The following RORA variants were observed in gnomAD, a reference collection of about 807,000 sequenced individuals.
RORA encodes the protein RAR related orphan receptor A.
A neutral mutation model predicts 69.5 loss-of-function variants in RORA; 7 were observed. The ratio of observed to expected loss-of-function variants is 0.10; its 90% CI spans 0.06 to 0.19. The LOEUF (loss-of-function observed/expected upper bound fraction) is 0.19. Ranked by LOEUF, RORA falls within the 10% of genes least tolerant of loss-of-function variation. The pLI, the probability that RORA is intolerant of heterozygous loss-of-function variation, is 1.00. For missense variants in RORA, 457 were observed against 663.0 expected (o/e 0.69, Z 3.41); for synonymous variants, 261 against 240.8 (o/e 1.08, Z -0.78).
chr15:60,521,757 C>A (rs1170477789), intron 3 of RORA, among the ~76,000 whole-genome samples: 1 of 152,180 alleles, frequency 6.6e-6, no homozygotes, highest in African/African-American at 2.4e-5. Flanking sequence ...GTATCTTCTT[C>A]ATTGTGGGAC....
intron 1 of RORA, among the ~76,000 whole-genome samples, chr15:60,900,121 G>T (rs1891345991): frequency 6.6e-6 from 1 of 152,168 alleles, no homozygotes; most frequent in Non-Finnish European, 1.5e-5. Flanking sequence ...AATACAACTG[G>T]CATCATTTGG....
intron 2 of RORA, among the ~76,000 whole-genome samples, chr15:60,542,721 G>A (rs1168226847): frequency 7.0e-6 from 1 of 143,756 alleles, no homozygotes; most frequent in African/African-American, 2.7e-5. Flanking sequence ...TCCCACACAC[G>A]GCACACAGGC....
chr15:60,626,476 T>C (rs1013472362), intron 2 of RORA, among the ~76,000 whole-genome samples: 1 of 152,094 alleles, frequency 6.6e-6, no homozygotes, highest in African/African-American at 2.4e-5. Flanking sequence ...GTAATATGAG[T>C]AGCCGCGTTC....
chr15:60,866,731 T>C (rs563234775), intron 1 of RORA, among the ~76,000 whole-genome samples: 15 of 152,308 alleles, frequency 9.8e-5, no homozygotes, highest in African/African-American at 3.1e-4. Context: ...GCTGAAGACA[T>C]AGAGGTGCTG....
chr15:61,134,596 G>C (rs925095599), intron 1 of RORA, among the ~76,000 whole-genome samples: 1 of 152,152 alleles, frequency 6.6e-6, no homozygotes, highest in Admixed American at 6.6e-5. Context: ...CCTTGGGTAG[G>C]AATAATAATA....
intron 1 of RORA, among the ~76,000 whole-genome samples, chr15:60,966,215 T>C (rs1893550880): frequency 1.3e-5 from 2 of 152,202 alleles, no homozygotes; most frequent in South Asian, 2.1e-4. Context: ...GATTAGCACC[T>C]ACCCTAGTCA....
chr15:60,873,947 T>C (rs370962566), intron 1 of RORA, among the ~76,000 whole-genome samples: 18 of 152,168 alleles, frequency 1.2e-4, no homozygotes, highest in East Asian at 5.8e-4. Context: ...TCTATAAATA[T>C]TCGCCAATTA....
intron 1 of RORA, among the ~76,000 whole-genome samples, chr15:60,933,915 T>C (rs1477254062): frequency 6.6e-6 from 1 of 152,230 alleles, no homozygotes; most frequent in African/African-American, 2.4e-5. Flanking sequence ...AGATGCAACA[T>C]CTGCTTTTGA....
chr15:60,494,288 A>T lies in RORA; in HGVS notation c.*3167T>A, dbSNP rs1330990927. 1 of 152,164 alleles carries T rather than the reference A, an allele frequency of 6.6e-6. No homozygotes were observed. The highest frequency in any genetic ancestry group is 1.5e-5 in the Non-Finnish European group (1 of 68,034). The allele number at this position is 152,164 out of a possible 1,614,324, so 9.4% of individuals were successfully genotyped here. On this transcript the variant is annotated 3_prime_UTR_variant, in exon 11 of 11. Coordinates refer to ENST00000335670, the MANE Select transcript of RORA (RefSeq NM_134261.3). ...AAGGCCAGGTTTTTCACAATATAATAACCATTTGGACACCATTGGAACAGA... is the reference window on the plus strand; with the variant it reads ...AAGGCCAGGTTTTTCACAATATAATTACCATTTGGACACCATTGGAACAGA...
intron 1 of RORA, among the ~76,000 whole-genome samples, chr15:61,048,452 T>A (rs1187082141): frequency 6.6e-6 from 1 of 152,200 alleles, no homozygotes; most frequent in African/African-American, 2.4e-5. Flanking sequence ...GTCTCTGCCC[T>A]CTGTCAAGAG....
intron 1 of RORA, among the ~76,000 whole-genome samples, chr15:61,129,224 T>TA (rs1227356585): frequency 3.3e-5 from 5 of 152,222 alleles, no homozygotes; most frequent in Non-Finnish European, 7.4e-5. Context: ...TTCAAAAGGC[T>TA]AAAAAATTGG....
chr15:60,825,669 C>T (rs533918434), intron 1 of RORA, among the ~76,000 whole-genome samples: 94 of 152,282 alleles, frequency 6.2e-4, no homozygotes, highest in South Asian at 2.9e-3. Flanking sequence ...AGCATGGCCC[C>T]GAAGAACAGC....
At chr15:60,567,108 T>C (rs2067734343) in intron 2 of RORA, among the ~76,000 whole-genome samples, 1 of 152,036 alleles carries the variant, frequency 6.6e-6, no homozygotes, top group African/African-American at 2.4e-5. Flanking sequence ...CATAACGAGC[T>C]AGCCTATGAG....
At chr15:60,656,313 C>A (rs570066709) in intron 2 of RORA, among the ~76,000 whole-genome samples, 8 of 152,142 alleles carry the variant, frequency 5.3e-5, no homozygotes, top group African/African-American at 9.7e-5. Flanking sequence ...ATGTGTCTGC[C>A]TTGTTTCATT....
intron 1 of RORA, among the ~76,000 whole-genome samples, chr15:61,042,356 G>T (rs1167003714): frequency 6.6e-6 from 1 of 151,894 alleles, no homozygotes; most frequent in Non-Finnish European, 1.5e-5. Context: ...AGGGTGCCTG[G>T]TCACCCTAGT....
At position 60,736,381 on chromosome 15, in the gene RORA, A is replaced by C. The variant is rs2071500217; in HGVS notation, c.167-57695T>G. Among the ~76,000 whole-genome samples, 3 of 152,162 alleles carry C rather than the reference A, an allele frequency of 2.0e-5. No homozygotes were observed. In the South Asian group the frequency reaches 6.2e-4, roughly 32 times the overall value. On this transcript the variant is annotated intron_variant, in intron 1 of 10. Transcript: ENST00000335670. ...CTGTCTCCCTCTTCCAACTAGCAATAATCAGGAAGGCCCTTCAGCTTCAGT... is the reference window on the plus strand; with the variant it reads ...CTGTCTCCCTCTTCCAACTAGCAATCATCAGGAAGGCCCTTCAGCTTCAGT...
At chr15:60,929,750 T>C (rs1007649966) in intron 1 of RORA, among the ~76,000 whole-genome samples, 1 of 152,158 alleles carries the variant, frequency 6.6e-6, no homozygotes, top group Non-Finnish European at 1.5e-5. Flanking sequence ...GGAGTGCTCA[T>C]CCTGAAGTGT....
intron 1 of RORA, among the ~76,000 whole-genome samples, chr15:60,996,331 C>A (rs1445709341): frequency 6.6e-6 from 1 of 152,116 alleles, no homozygotes; most frequent in Non-Finnish European, 1.5e-5. Context: ...CTCGGCCTCC[C>A]AAAGTGCTAG....
At position 60,915,244 on chromosome 15, in the gene RORA, G is replaced by A. The variant is rs143250591; in HGVS notation, c.167-236558C>T. On this transcript the variant is annotated intron_variant, in intron 1 of 10. Coordinates refer to ENST00000335670, the MANE Select transcript of RORA (RefSeq NM_134261.3). ...TGGGCCAGAAGAAGCATCAAGACAT[G>A]CTTTCTGAGCTGCATTTCAGATCAT... is the stretch of plus-strand genomic sequence containing the variant. 1.6e-4 allele frequency among the ~76,000 whole-genome samples: 24 copies of A among 152,198 alleles called. No individual in the cohort carries two copies. In the East Asian group the frequency reaches 4.7e-3, roughly 30 times the overall value.
Sources: gnomAD v4.1 joint callset for allele counts (sites outside exome capture counted in the v4.1 genomes callset) on GRCh38, gnomAD v4.1.1 for gene constraint, MANE v1.5 for transcripts, NCBI Gene and HGNC (gene_info 2026-07-23, HGNC 2026-07-21) for gene names.